The following VPS13A variants were observed in gnomAD, a reference collection of about 807,000 sequenced individuals.
VPS13A encodes the protein intermembrane lipid transfer protein VPS13A.
In VPS13A, 264 loss-of-function variants were observed where a neutral mutation model predicts 390.9. The observed-to-expected ratio is 0.68, with a 90% confidence interval of 0.61 to 0.75. The LOEUF is 0.75. Ranked by LOEUF, VPS13A falls within the 30% of genes least tolerant of loss-of-function variation. The probability of loss-of-function intolerance (pLI) is 0.00; values close to 1 mark genes in which losing one functional copy is unlikely to be tolerated. For synonymous variants in VPS13A, 1,231 were observed against 1,227.1 expected (o/e 1.00, Z -0.07); for missense variants, 3,409 against 3,733.9 (o/e 0.91, Z 2.27).
chr9:77,192,332 C>T (rs777109486), intron 1 of VPS13A, among the ~76,000 whole-genome samples: 2 of 152,158 alleles, frequency 1.3e-5, no homozygotes, highest in Non-Finnish European at 2.9e-5. Context: ...GATGTTTAGC[C>T]TGTTTACATT....
intron 68 of VPS13A, among the ~76,000 whole-genome samples, chr9:77,401,034 T>G (rs767699484): frequency 6.6e-6 from 1 of 152,264 alleles, no homozygotes; most frequent in Non-Finnish European, 1.5e-5. Flanking sequence ...ATTTAATAAA[T>G]TTCCGTAATT....
chr9:77,324,779 C>CA (rs111358558), intron 45 of VPS13A, among the ~76,000 whole-genome samples: 30,563 of 151,984 alleles, frequency 0.2, 3,282 homozygotes, highest in Middle Eastern at 0.26. Context: ...TGGGTTTAAG[C>CA]AATCCTCCTA....
At position 77,356,873 on chromosome 9, in the gene VPS13A, A is replaced by G. The variant is rs74810255; in HGVS notation, c.7806+6A>G. On this transcript the variant is annotated splice_donor_region_variant and intron_variant, in intron 55 of 71. Transcript: ENST00000360280. ...AGTTGGACACTAATGTTCCGGTAAT[A>G]TTTTTAAGTACTGATGTGAAGTTTT... The G allele has an allele frequency of 2.2e-3, 3,591 of 1,613,476 alleles. 71 individuals are homozygous for G. In the African/African-American group the frequency reaches 0.039, roughly 18 times the overall value.
chr9:77,205,616 G>T (rs991448957), intron 4 of VPS13A, among the ~76,000 whole-genome samples: 16 of 151,094 alleles, frequency 1.1e-4, no homozygotes, highest in Admixed American at 1.1e-3. Flanking sequence ...TTTTAAGATG[G>T]AGTCTCGCAC....
At chr9:77,370,706 G>A (rs1832702277) in intron 65 of VPS13A, 128 bp downstream of exon 65, 2 of 1,436,020 alleles carry the variant, frequency 1.4e-6, no homozygotes, top group Admixed American at 1.9e-5. Flanking sequence ...AGAGCAGTGG[G>A]TGGTAGCATA....
intron 68 of VPS13A, among the ~76,000 whole-genome samples, chr9:77,402,158 G>A (rs922583903): frequency 1.3e-5 from 2 of 152,086 alleles, no homozygotes; most frequent in Admixed American, 6.5e-5. Flanking sequence ...ACAGTAAATA[G>A]TAAAGATATT....
At chr9:77,306,915 T>TA (rs1476946490) in intron 34 of VPS13A, among the ~76,000 whole-genome samples, 1 of 150,690 alleles carries the variant, frequency 6.6e-6, no homozygotes, top group African/African-American at 2.4e-5. Context: ...TCTTTATTTT[T>TA]TTTTTTTTTT....
intron 33 of VPS13A, among the ~76,000 whole-genome samples, chr9:77,300,916 GAAT>G (rs1828308603): frequency 6.6e-6 from 1 of 152,164 alleles, no homozygotes; most frequent in African/African-American, 2.4e-5. Flanking sequence ...AAAAAGCAAA[GAAT>G]AAGATGAACA....
intron 19 of VPS13A, among the ~76,000 whole-genome samples, chr9:77,239,732 G>T (rs952800893): frequency 6.6e-6 from 1 of 151,546 alleles, no homozygotes; most frequent in South Asian, 2.1e-4. Flanking sequence ...TTAGGCTTAT[G>T]TCTAACATCC....
At chr9:77,233,151 A>G (rs1685045955) in intron 17 of VPS13A, among the ~76,000 whole-genome samples, 1 of 151,908 alleles carries the variant, frequency 6.6e-6, no homozygotes, top group Non-Finnish European at 1.5e-5. Flanking sequence ...TTTGTAATTT[A>G]TATATTTCTA....
chr9:77,198,652 T>G (rs895676059), intron 1 of VPS13A, among the ~76,000 whole-genome samples: 20 of 152,120 alleles, frequency 1.3e-4, no homozygotes, highest in African/African-American at 4.6e-4. Context: ...TTTTTTTGTC[T>G]CTCTCTCTTT....
intron 22 of VPS13A, among the ~76,000 whole-genome samples, chr9:77,259,298 G>GA (rs1238841158): frequency 2.0e-5 from 3 of 151,874 alleles, no homozygotes; most frequent in Non-Finnish European, 4.4e-5. Flanking sequence ...TCAAGAAAGT[G>GA]AAAAAAAGTT....
At position 77,300,241 on chromosome 9, in the gene VPS13A, CTAATATA is replaced by C. The variant is rs148543744; in HGVS notation, c.3813-2671_3813-2665del. Among the ~76,000 whole-genome samples, 156 of 152,080 alleles carry C rather than the reference CTAATATA, an allele frequency of 1.0e-3. 1 individual carries two copies. The East Asian group carries it at 0.027, about 27-fold the overall frequency. On this transcript the variant is annotated intron_variant, in intron 33 of 71. Transcript: ENST00000360280. ...TCTGCCTTTTGTTAGAAATTTGATT[CTAATATA>C]TATACAGTTTTGCTATTATAAATAA...
At chr9:77,198,492 C>T (rs967378782) in intron 1 of VPS13A, among the ~76,000 whole-genome samples, 5 of 152,036 alleles carry the variant, frequency 3.3e-5, no homozygotes, top group Admixed American at 6.6e-5. Context: ...AGAAAGTTTC[C>T]GATTTTGGAG....
intron 5 of VPS13A, among the ~76,000 whole-genome samples, chr9:77,207,529 A>T (rs1329376606): frequency 1.3e-5 from 2 of 151,496 alleles, no homozygotes; most frequent in Non-Finnish European, 2.9e-5. Context: ...CTATATATAA[A>T]TGTTTTATTT....
chr9:77,327,152 GC>G (rs1286326182), intron 45 of VPS13A, among the ~76,000 whole-genome samples: 2 of 152,112 alleles, frequency 1.3e-5, no homozygotes, highest in Non-Finnish European at 2.9e-5. Context: ...GCCGCCTCTT[GC>G]CCCGTATCGG....
chr9:77,214,663 T>C (rs1343096842), intron 10 of VPS13A, among the ~76,000 whole-genome samples: 1 of 152,160 alleles, frequency 6.6e-6, no homozygotes, highest in African/African-American at 2.4e-5. Flanking sequence ...TCAGTAACAA[T>C]TAGGGTAATA....
intron 19 of VPS13A, among the ~76,000 whole-genome samples, chr9:77,246,792 G>T (rs780073707): frequency 2.6e-5 from 4 of 152,058 alleles, no homozygotes; most frequent in Non-Finnish European, 5.9e-5. Context: ...TGCCTTTTCT[G>T]GTTTGCATAT....
chr9:77,325,419 T>TA (rs1564730644), intron 45 of VPS13A, among the ~76,000 whole-genome samples: 1 of 151,064 alleles, frequency 6.6e-6, no homozygotes, highest in Non-Finnish European at 1.5e-5. Context: ...TTTTTTTTTT[T>TA]AACATAATCT....
Sources: allele counts gnomAD v4.1 joint callset (sites outside exome capture counted in the v4.1 genomes callset), GRCh38; gene constraint gnomAD v4.1.1; transcripts MANE v1.5; gene names NCBI Gene and HGNC (gene_info 2026-07-23, HGNC 2026-07-21).